TMEM248: variants seen among roughly 807,000 people sequenced by gnomAD.
TMEM248 encodes the protein transmembrane protein 248.
Under a neutral mutation model 30.3 loss-of-function variants are expected in TMEM248, and 9 were observed. That is an observed-to-expected ratio of 0.30 (90% CI 0.18 to 0.52). The LOEUF is 0.52. Among genes scored for constraint, TMEM248 ranks in the 20% least tolerant of loss-of-function variants. The pLI is 0.97. For synonymous variants in TMEM248, 184 were observed against 154.4 expected, an observed-to-expected ratio of 1.19 and a Z score of -1.42; for missense variants, 338 against 403.3, an observed-to-expected ratio of 0.84 and a Z score of 1.39.
intron 1 of TMEM248, among the ~76,000 whole-genome samples, chr7:66,931,629 C>G (rs1307164597): frequency 6.6e-6 from 1 of 151,546 alleles, no homozygotes; most frequent in Non-Finnish European, 1.5e-5. Context: ...CACCACCATG[C>G]TTAGCTAATT....
intron 1 of TMEM248, among the ~76,000 whole-genome samples, chr7:66,928,316 C>A (rs759031687): frequency 2.0e-5 from 3 of 151,476 alleles, no homozygotes; most frequent in Non-Finnish European, 2.9e-5. Context: ...CTTTGTATAT[C>A]TATGGCATGT....
chr7:66,934,616 T>G (rs1241802677), intron 1 of TMEM248, among the ~76,000 whole-genome samples: 1 of 152,226 alleles, frequency 6.6e-6, no homozygotes, highest in Non-Finnish European at 1.5e-5. Context: ...GATATAATTG[T>G]TTAAATTCTG....
At chr7:66,934,986 C>T (rs889260510) in intron 1 of TMEM248, among the ~76,000 whole-genome samples, 1 of 151,864 alleles carries the variant, frequency 6.6e-6, no homozygotes, top group African/African-American at 2.4e-5. Flanking sequence ...ACCCAGGAGG[C>T]GGAGGTTGCA....
At chr7:66,953,707 C>G (rs761923831) in intron 6 of TMEM248, among the ~76,000 whole-genome samples, 1 of 150,720 alleles carries the variant, frequency 6.6e-6, no homozygotes, top group Non-Finnish European at 1.5e-5. Flanking sequence ...CAGGTTCAAG[C>G]AGTTCTCCCA....
intron 3 of TMEM248, 63 bp downstream of exon 3, chr7:66,945,324 A>G: frequency 1.9e-6 from 3 of 1,546,802 alleles, no homozygotes; most frequent in South Asian, 1.1e-5. Flanking sequence ...AAGAGGATGC[A>G]CCGTGTATGT....
Position 66,953,375 on chromosome 7 carries a change from C to T in TMEM248, c.924+6C>T, listed in dbSNP as rs371912101. The stretch of plus-strand genomic sequence containing the variant: ...CTGAATTTTGTCCCGAGAAGGTGAG[C>T]GGTGGATGGGGTCCGGGCCAGCATT... On this transcript the variant is annotated splice_donor_region_variant and intron_variant, in intron 6 of 6. Coordinates refer to ENST00000341567, the MANE Select transcript of TMEM248 (RefSeq NM_017994.5). The T allele has an allele frequency of 5.8e-5, 93 of 1,613,328 alleles. No individual in the cohort carries two copies. The highest frequency in any genetic ancestry group is 1.7e-5 in the Non-Finnish European group (20 of 1,179,586).
At chr7:66,942,852 T>C (rs938804103) in intron 2 of TMEM248, among the ~76,000 whole-genome samples, 5 of 147,884 alleles carry the variant, frequency 3.4e-5, no homozygotes, top group African/African-American at 1.2e-4. Flanking sequence ...ATTTCCTTCT[T>C]CTTGGGTTTG....
intron 6 of TMEM248, among the ~76,000 whole-genome samples, chr7:66,954,687 A>G (rs887463615): frequency 6.6e-6 from 1 of 152,158 alleles, no homozygotes; most frequent in East Asian, 1.9e-4. Context: ...GGTGTGAGCT[A>G]CCATGCCCAG....
At position 66,957,320 on chromosome 7, in the gene TMEM248, C is replaced by T. The variant is rs76790718; in HGVS notation, c.*1798C>T. ...GGCATTTTTGAATAGAAAACAGTTG[C>T]GTGCTTTTATTGAAGATTGTTAAAA... On this transcript the variant is annotated 3_prime_UTR_variant, in exon 7 of 7. Coordinates refer to ENST00000341567, the MANE Select transcript of TMEM248 (RefSeq NM_017994.5). The T allele has an allele frequency of 0.015, 2,228 of 152,284 alleles. 57 individuals are homozygous for T. Among genetic ancestry groups the T allele is most frequent in the East Asian group, 0.091 (474 of 5,182 alleles). The allele number at this position is 152,284 out of a possible 1,614,324, so 9.4% of individuals were successfully genotyped here.
At chr7:66,929,689 C>T (rs1791617424) in intron 1 of TMEM248, among the ~76,000 whole-genome samples, 1 of 152,060 alleles carries the variant, frequency 6.6e-6, no homozygotes, top group African/African-American at 2.4e-5. Flanking sequence ...CTGCCTCGGC[C>T]TCCCAAAATG....
intron 3 of TMEM248, among the ~76,000 whole-genome samples, chr7:66,948,131 T>C (rs1172482152): frequency 6.6e-6 from 1 of 152,200 alleles, no homozygotes; most frequent in Admixed American, 6.5e-5. Flanking sequence ...TGTTTGTTCA[T>C]ATGTAAAAGG....
At chr7:66,935,473 G>A (rs1251825701) in intron 1 of TMEM248, among the ~76,000 whole-genome samples, 1 of 150,146 alleles carries the variant, frequency 6.7e-6, no homozygotes, top group Non-Finnish European at 1.5e-5. Flanking sequence ...GTGAGCCACT[G>A]CGTCTGGCCC....
In TMEM248 at chr7:66,921,472, G is replaced by A. The variant is rs1407460536; in HGVS notation, c.-19+11G>A. On this transcript the variant is annotated intron_variant, in intron 1 of 6. Coordinates refer to ENST00000341567, the MANE Select transcript of TMEM248 (RefSeq NM_017994.5). ...GCCCGCCGGGGCGGGGTGAGCCGGG[G>A]CTGGAGGGCGGGCTGGGGTCGGGCC... 3.3e-5 allele frequency: 5 copies of A among 151,134 alleles called. No individual in the cohort carries two copies. The East Asian group carries it at 9.7e-4, about 29-fold the overall frequency. 9.4% of individuals were successfully genotyped at this position (151,134 alleles called of 1,614,324 possible). A position where few individuals can be genotyped will look rare whatever the true frequency, so the allele number is the denominator to read the frequency against.
intron 1 of TMEM248, among the ~76,000 whole-genome samples, chr7:66,940,436 A>G (rs1315905903): frequency 6.6e-6 from 1 of 152,226 alleles, no homozygotes; most frequent in African/African-American, 2.4e-5. Context: ...TCAAATAAGG[A>G]AGCTAAATAG....
chr7:66,955,411 G>T lies in TMEM248; in HGVS notation c.925-91G>T, dbSNP rs1792375707. On this transcript the variant is annotated intron_variant, in intron 6 of 6. Transcript: ENST00000341567. ...TAACTTCACTGTCTGGTTGATATGT[G>T]CAATTAGTGTGGCATCCTGGTCTTT... The T allele has an allele frequency of 2.3e-5, 33 of 1,422,596 alleles. No individual in the cohort carries two copies. In the East Asian group the frequency reaches 7.5e-4, roughly 32 times the overall value. 88.1% of individuals were successfully genotyped at this position (1,422,596 alleles called of 1,614,324 possible).
chr7:66,926,381 AG>A (rs1791524656), intron 1 of TMEM248, among the ~76,000 whole-genome samples: 1 of 152,238 alleles, frequency 6.6e-6, no homozygotes, highest in Non-Finnish European at 1.5e-5. Context: ...GCACTTTGGG[AG>A]GCCAAGGCTG....
At chr7:66,947,320 TAATC>T (rs1792132862) in intron 3 of TMEM248, among the ~76,000 whole-genome samples, 1 of 151,810 alleles carries the variant, frequency 6.6e-6, no homozygotes, top group African/African-American at 2.4e-5. Flanking sequence ...ATTCCCATAA[TAATC>T]AAGGTATGGG....
At chr7:66,946,243 C>T (rs919784949) in intron 3 of TMEM248, among the ~76,000 whole-genome samples, 2 of 151,920 alleles carry the variant, frequency 1.3e-5, no homozygotes, top group Non-Finnish European at 2.9e-5. Flanking sequence ...GCCTGGGCGA[C>T]AGAGCGAGAC....
At chr7:66,947,312 T>C (rs1792132555) in intron 3 of TMEM248, among the ~76,000 whole-genome samples, 1 of 152,064 alleles carries the variant, frequency 6.6e-6, no homozygotes, top group Admixed American at 6.5e-5. Flanking sequence ...GTGAGAATAT[T>C]CCCATAATAA....
Sources: gnomAD v4.1 joint callset for allele counts (sites outside exome capture counted in the v4.1 genomes callset) on GRCh38, gnomAD v4.1.1 for gene constraint, MANE v1.5 for transcripts, NCBI Gene and HGNC (gene_info 2026-07-23, HGNC 2026-07-21) for gene names.